The following ENPP6 variants were observed in gnomAD, a reference collection of about 807,000 sequenced individuals.
ENPP6 encodes the protein ectonucleotide pyrophosphatase/phosphodiesterase 6, also known as glycerophosphocholine cholinephosphodiesterase ENPP6.
Under a neutral mutation model 42.0 loss-of-function variants are expected in ENPP6, and 32 were observed. The ratio of observed to expected loss-of-function variants is 0.76; its 90% confidence interval spans 0.58 to 1.02. The LOEUF (loss-of-function observed/expected upper bound fraction) is 1.02, where lower values mean the gene tolerates loss of function less well. ENPP6 is among the 50% of genes least tolerant of loss of function. The pLI, the probability that ENPP6 is intolerant of heterozygous loss-of-function variation, is 0.00. For synonymous variants in ENPP6, 213 were observed against 216.0 expected (o/e 0.99, Z 0.12); for missense variants, 552 against 566.8 (o/e 0.97, Z 0.27).
At chr4:184,190,660 A>G (rs1732701121) in intron 1 of ENPP6, among the ~76,000 whole-genome samples, 1 of 152,196 alleles carries the variant, frequency 6.6e-6, no homozygotes, top group African/African-American at 2.4e-5. Flanking sequence ...GTCAGGGAGC[A>G]TGAGACACAT....
chr4:184,145,511 G>A (rs78594004), intron 2 of ENPP6, among the ~76,000 whole-genome samples: 6,900 of 152,292 alleles, frequency 0.045, 331 homozygotes, highest in African/African-American at 0.12. Flanking sequence ...CGCTGCACGC[G>A]TTGTGCTGTG....
chr4:184,155,490 C>G (rs1349288679), intron 1 of ENPP6, among the ~76,000 whole-genome samples: 2 of 119,036 alleles, frequency 1.7e-5, no homozygotes, highest in African/African-American at 6.4e-5. Flanking sequence ...TGCAAAGAAG[C>G]TGAGCAAATG....
Position 184,217,864 on chromosome 4 carries a change from T to C in ENPP6, c.-45A>G, listed in dbSNP as rs910295634. 1.3e-6 allele frequency: 2 copies of C among 1,593,996 alleles called. No individual in the cohort carries two copies. Among genetic ancestry groups the C allele is most frequent in the African/African-American group, 2.7e-5 (2 of 74,472 alleles). On this transcript the variant is annotated 5_prime_UTR_variant, in exon 1 of 8. Coordinates refer to ENST00000296741, the MANE Select transcript of ENPP6 (RefSeq NM_153343.4). ...AGCCCGGCTGGCACAGCTGTCGCCT[T>C]GCAAAGACTGAGGATGGAGAATCTG...
In ENPP6 at chr4:184,147,466, T is replaced by C. The variant is rs546532281; in HGVS notation, c.421+6088A>G. Among the ~76,000 whole-genome samples, 4 of 152,246 alleles carry C rather than the reference T, an allele frequency of 2.6e-5. No individual in the cohort carries two copies. In the South Asian group the frequency reaches 8.3e-4, roughly 32 times the overall value. On this transcript the variant is annotated intron_variant, in intron 2 of 7. Transcript: ENST00000296741. ...TCTTCCTTAAAACCTTCCAGTGACT[T>C]CTCATTCATTTCACGATCAGAATAA...
intron 1 of ENPP6, among the ~76,000 whole-genome samples, chr4:184,183,571 C>A (rs532605947): frequency 3.9e-5 from 6 of 152,278 alleles, no homozygotes; most frequent in Admixed American, 2.6e-4. Context: ...CACAAGTGAT[C>A]CCACTAGGTC....
chr4:184,091,676 G>A (rs1735804713), intron 7 of ENPP6, among the ~76,000 whole-genome samples: 1 of 152,162 alleles, frequency 6.6e-6, no homozygotes, highest in African/African-American at 2.4e-5. Context: ...GGAGGGCGAG[G>A]AGGGAGGATT....
intron 2 of ENPP6, among the ~76,000 whole-genome samples, chr4:184,147,582 C>A (rs568421612): frequency 2.0e-5 from 3 of 152,204 alleles, no homozygotes; most frequent in South Asian, 2.1e-4. Context: ...GGATTCGAGA[C>A]CAGACTGGGC....
At chr4:184,131,929 C>T (rs990895973) in intron 2 of ENPP6, among the ~76,000 whole-genome samples, 4 of 152,156 alleles carry the variant, frequency 2.6e-5, no homozygotes, top group South Asian at 2.1e-4. Flanking sequence ...ATCTAGGAAA[C>T]CTGGTGGTTG....
chr4:184,097,374 A>G lies in ENPP6; in HGVS notation c.994-6T>C, dbSNP rs371474365. The G allele has an allele frequency of 4.9e-5, 79 of 1,613,874 alleles. No homozygotes were observed. Among genetic ancestry groups the G allele is most frequent in the Middle Eastern group, 1.7e-4 (1 of 6,052 alleles). On this transcript the variant is annotated splice_polypyrimidine_tract_variant and splice_region_variant and intron_variant, in intron 6 of 7. Coordinates refer to ENST00000296741, the MANE Select transcript of ENPP6 (RefSeq NM_153343.4). ...AACGGAAGCATCTCTCGATTCTGAA[A>G]CCAAGCAAGGCAGACACATGACACT...
chr4:184,105,344 G>C (rs1413343318), intron 6 of ENPP6, among the ~76,000 whole-genome samples: 2 of 152,206 alleles, frequency 1.3e-5, no homozygotes, highest in Non-Finnish European at 2.9e-5. Context: ...TTCTGCAAGT[G>C]TGAAGGAGCC....
At chr4:184,119,683 A>G (rs4400035) in intron 3 of ENPP6, among the ~76,000 whole-genome samples, 42,622 of 151,966 alleles carry the variant, frequency 0.28, 6,790 homozygotes, top group Admixed American at 0.42. Context: ...TAGCTCCCAT[A>G]GTCCCCATGT....
At chr4:184,211,392 A>G (rs542908973) in intron 1 of ENPP6, among the ~76,000 whole-genome samples, 1 of 152,326 alleles carries the variant, frequency 6.6e-6, no homozygotes, top group South Asian at 2.1e-4. Context: ...GCAATAAAAA[A>G]TGATAAGGGG....
intron 5 of ENPP6, 85 bp from the exon 6 acceptor site, chr4:184,112,894 A>C (rs1736227654): frequency 1.5e-6 from 2 of 1,359,066 alleles, no homozygotes; most frequent in Non-Finnish European, 2.0e-6. Flanking sequence ...AGGAGAACTT[A>C]CGTATAAGAC....
intron 2 of ENPP6, among the ~76,000 whole-genome samples, chr4:184,138,683 T>A (rs1048827836): frequency 2.0e-5 from 3 of 152,192 alleles, no homozygotes; most frequent in Admixed American, 1.3e-4. Flanking sequence ...ATCTTGCTCT[T>A]GGAAATCCCT....
At chr4:184,157,551 TTC>T (rs1404332234) in intron 1 of ENPP6, among the ~76,000 whole-genome samples, 1 of 148,950 alleles carries the variant, frequency 6.7e-6, no homozygotes, top group African/African-American at 2.5e-5. Context: ...TTTCTTTCCT[TTC>T]TCTCTTTCTT....
At chr4:184,103,374 G>A (rs920609347) in intron 6 of ENPP6, among the ~76,000 whole-genome samples, 5 of 152,230 alleles carry the variant, frequency 3.3e-5, no homozygotes, top group African/African-American at 1.2e-4. Flanking sequence ...AATCTGGTCA[G>A]ATTAAAATAA....
intron 1 of ENPP6, among the ~76,000 whole-genome samples, chr4:184,206,196 T>C (rs767214091): frequency 1.0e-4 from 15 of 150,176 alleles, no homozygotes; most frequent in Non-Finnish European, 1.9e-4. Flanking sequence ...GTCTCCACCC[T>C]ACCTGGAGCT....
chr4:184,160,170 C>T (rs1737237997), intron 1 of ENPP6, among the ~76,000 whole-genome samples: 1 of 152,124 alleles, frequency 6.6e-6, no homozygotes, highest in Admixed American at 6.5e-5. Flanking sequence ...AGATACATAG[C>T]AGTGGTATTA....
intron 1 of ENPP6, among the ~76,000 whole-genome samples, chr4:184,208,629 A>T (rs1395550744): frequency 2.0e-5 from 3 of 149,940 alleles, no homozygotes; most frequent in South Asian, 2.1e-4. Context: ...CAGCGGTCTG[A>T]GATCAAACTG....
Sources: gnomAD v4.1 joint callset for allele counts (sites outside exome capture counted in the v4.1 genomes callset) on GRCh38, gnomAD v4.1.1 for gene constraint, MANE v1.5 for transcripts, NCBI Gene and HGNC (gene_info 2026-07-23, HGNC 2026-07-21) for gene names.